The following CNTNAP2 variants were observed in gnomAD, a reference collection of about 807,000 sequenced individuals.
CNTNAP2 encodes the protein contactin-associated protein-like 2.
CNTNAP2 carries 98 observed loss-of-function variants against 155.2 expected under a neutral mutation model. The ratio of observed to expected loss-of-function variants is 0.63; its 90% CI spans 0.54 to 0.75. The LOEUF is 0.75. Ranked by LOEUF, CNTNAP2 falls within the 30% of genes least tolerant of loss-of-function variation. CNTNAP2 has a pLI of 0.00. For synonymous variants in CNTNAP2, 651 were observed against 631.2 expected (o/e 1.03, Z -0.47); for missense variants, 1,727 against 1,688.1 (o/e 1.02, Z -0.40).
chr7:147,573,591 A>G (rs1290488028), intron 12 of CNTNAP2, among the ~76,000 whole-genome samples: 3 of 152,182 alleles, frequency 2.0e-5, no homozygotes, highest in African/African-American at 7.2e-5. Context: ...GGCATGGAGG[A>G]CAGAGCGGGA....
At chr7:147,465,986 C>T (rs1798113525) in intron 10 of CNTNAP2, among the ~76,000 whole-genome samples, 1 of 152,150 alleles carries the variant, frequency 6.6e-6, no homozygotes, top group African/African-American at 2.4e-5. Context: ...ACTATAGGAG[C>T]CAAGGGCCCT....
At chr7:147,208,446 C>G (rs939079517) in intron 8 of CNTNAP2, among the ~76,000 whole-genome samples, 5 of 152,010 alleles carry the variant, frequency 3.3e-5, no homozygotes, top group East Asian at 1.9e-4. Flanking sequence ...TTAAGCAGAT[C>G]AGTTTGGAGA....
intron 8 of CNTNAP2, among the ~76,000 whole-genome samples, chr7:147,264,153 G>A (rs1439356798): frequency 2.0e-5 from 3 of 152,088 alleles, no homozygotes; most frequent in Non-Finnish European, 4.4e-5. Flanking sequence ...GAAAATAGAA[G>A]CAAATGAAGT....
chr7:147,358,329 G>T (rs1796095372), intron 9 of CNTNAP2, among the ~76,000 whole-genome samples: 1 of 151,982 alleles, frequency 6.6e-6, no homozygotes, highest in African/African-American at 2.4e-5. Flanking sequence ...CCATCAAATA[G>T]ATATGTACTT....
chr7:147,156,146 C>T (rs1325616795), intron 8 of CNTNAP2, among the ~76,000 whole-genome samples: 1 of 152,028 alleles, frequency 6.6e-6, no homozygotes, highest in African/African-American at 2.4e-5. Context: ...ATTTCGGAGC[C>T]TCATACCCAG....
At chr7:147,135,958 T>C (rs1801469268) in intron 8 of CNTNAP2, among the ~76,000 whole-genome samples, 1 of 151,558 alleles carries the variant, frequency 6.6e-6, no homozygotes, top group South Asian at 2.1e-4. Context: ...ATTTGTCTTA[T>C]GGGAACAGTA....
chr7:148,284,015 T>C (rs962383372), intron 21 of CNTNAP2, among the ~76,000 whole-genome samples: 2 of 152,248 alleles, frequency 1.3e-5, no homozygotes, highest in African/African-American at 4.8e-5. Context: ...GCAGCAACTG[T>C]ATGAAACATA....
At chr7:148,395,125 C>T (rs1051764413) in intron 22 of CNTNAP2, among the ~76,000 whole-genome samples, 3 of 144,940 alleles carry the variant, frequency 2.1e-5, no homozygotes, top group South Asian at 4.6e-4. Flanking sequence ...GTTGACCCCC[C>T]CCCCTTATTG....
intron 13 of CNTNAP2, among the ~76,000 whole-genome samples, chr7:147,874,945 C>G (rs1419873391): frequency 1.3e-5 from 2 of 152,170 alleles, no homozygotes; most frequent in African/African-American, 4.8e-5. Flanking sequence ...CAGTTCCCAA[C>G]AAGTTCCTTA....
At chr7:147,964,491 G>T (rs902263162) in intron 14 of CNTNAP2, among the ~76,000 whole-genome samples, 1 of 152,090 alleles carries the variant, frequency 6.6e-6, no homozygotes, top group Non-Finnish European at 1.5e-5. Flanking sequence ...CCCTGCAAAA[G>T]CACGTGGCAA....
intron 13 of CNTNAP2, among the ~76,000 whole-genome samples, chr7:147,662,433 G>A (rs1795627258): frequency 6.6e-6 from 1 of 152,170 alleles, no homozygotes; most frequent in Non-Finnish European, 1.5e-5. Flanking sequence ...AAGGTGTAGG[G>A]GTTAGGCAGG....
chr7:146,365,352 A>G (rs1458982917), intron 1 of CNTNAP2, among the ~76,000 whole-genome samples: 9 of 152,204 alleles, frequency 5.9e-5, no homozygotes, highest in Admixed American at 5.9e-4. Context: ...CAAATTAATA[A>G]TAAAACTTGT....
At chr7:146,577,631 G>A (rs1281110291) in intron 1 of CNTNAP2, among the ~76,000 whole-genome samples, 2 of 151,834 alleles carry the variant, frequency 1.3e-5, no homozygotes, top group Non-Finnish European at 2.9e-5. Flanking sequence ...TACAAAAAAA[G>A]CTTAGTATAA....
At chr7:148,331,448 G>C (rs1398797854) in intron 21 of CNTNAP2, among the ~76,000 whole-genome samples, 1 of 134,838 alleles carries the variant, frequency 7.4e-6, no homozygotes. Flanking sequence ...GTATGGAATG[G>C]ATGGATGGAT....
chr7:148,126,818 C>A (rs144646399), intron 16 of CNTNAP2, among the ~76,000 whole-genome samples: 2 of 151,978 alleles, frequency 1.3e-5, no homozygotes, highest in African/African-American at 4.8e-5. Flanking sequence ...GGAAGAAGTA[C>A]GGAGAAGGGA....
At chr7:147,309,595 T>A (rs2692176) in intron 9 of CNTNAP2, among the ~76,000 whole-genome samples, 1 of 152,028 alleles carries the variant, frequency 6.6e-6, no homozygotes, top group Non-Finnish European at 1.5e-5. Context: ...CCCCTAATTG[T>A]AGTGAGTCAC....
intron 11 of CNTNAP2, among the ~76,000 whole-genome samples, chr7:147,511,576 T>C (rs1236066948): frequency 6.6e-6 from 1 of 151,976 alleles, no homozygotes; most frequent in Non-Finnish European, 1.5e-5. Flanking sequence ...TATGTGTACA[T>C]AATGTTTCTA....
At chr7:146,825,995 C>A (rs371606410) in intron 2 of CNTNAP2, among the ~76,000 whole-genome samples, 11 of 152,198 alleles carry the variant, frequency 7.2e-5, no homozygotes, top group African/African-American at 2.4e-4. Context: ...TTTGTTAATG[C>A]ACAGATAATA....
At chr7:146,771,637 C>T (rs181448438) in intron 1 of CNTNAP2, among the ~76,000 whole-genome samples, 409 of 152,152 alleles carry the variant, frequency 2.7e-3, no homozygotes, top group African/African-American at 9.0e-3. Context: ...CACAGAGGCA[C>T]GCAGTATAAC....
Sources: gnomAD v4.1 joint callset for allele counts (sites outside exome capture counted in the v4.1 genomes callset) on GRCh38, gnomAD v4.1.1 for gene constraint, MANE v1.5 for transcripts, NCBI Gene and HGNC (gene_info 2026-07-23, HGNC 2026-07-21) for gene names.